NFIX: variants seen among roughly 807,000 people sequenced by gnomAD.
The protein encoded by NFIX is nuclear factor I X.
In NFIX, 2 loss-of-function variants were observed where a neutral mutation model predicts 53.3. The observed-to-expected ratio is 0.04, with a 90% CI of 0.02 to 0.12. The LOEUF is 0.12. Ranked by LOEUF, NFIX falls within the 10% of genes least tolerant of loss-of-function variation. The probability of loss-of-function intolerance (pLI) is 1.00; values close to 1 mark genes in which losing one functional copy is unlikely to be tolerated. For synonymous variants in NFIX, 244 were observed against 289.0 expected, an observed-to-expected ratio of 0.84 and a Z score of 1.58; for missense variants, 310 against 674.5, an observed-to-expected ratio of 0.46 and a Z score of 5.99.
At chr19:13,008,028 G>A (rs1034414094) in intron 1 of NFIX, among the ~76,000 whole-genome samples, 2 of 152,208 alleles carry the variant, frequency 1.3e-5, no homozygotes, top group African/African-American at 4.8e-5. Context: ...CAGCCTTGGA[G>A]CATGGTACAC....
At chr19:13,077,553 G>A (rs1362862172) in intron 6 of NFIX, among the ~76,000 whole-genome samples, 1 of 152,098 alleles carries the variant, frequency 6.6e-6, no homozygotes, top group Non-Finnish European at 1.5e-5. Context: ...TAACACCTCC[G>A]CTGGCGGCTG....
Position 13,072,886 on chromosome 19 carries a change from G to A in NFIX, c.560-161G>A, listed in dbSNP as rs1431150914. Reference sequence around the variant, plus strand: ...TTTCCTTCTCTGCTTTGGGTCTCCCGGAGCCTCCTGGGGCTGGTTTGGGGA... The same window carrying A: ...TTTCCTTCTCTGCTTTGGGTCTCCCAGAGCCTCCTGGGGCTGGTTTGGGGA... On this transcript the variant is annotated intron_variant, in intron 2 of 10. Transcript: ENST00000592199. This position sits in a 1 kb window ranked among gnomAD's most constrained non-coding sequence, Gnocchi z 4.0. 7.2e-5 allele frequency among the ~76,000 whole-genome samples: 11 copies of A among 152,150 alleles called. No individual in the cohort carries two copies. The highest frequency in any genetic ancestry group is 1.5e-4 in the Non-Finnish European group (10 of 68,026).
intron 2 of NFIX, chr19:13,071,260 G>C (rs542192704): frequency 6.6e-6 from 1 of 152,478 alleles, no homozygotes; most frequent in East Asian, 1.9e-4. Context: ...GGGGTGGGCT[G>C]CCTGCTCCGT....
intron 7 of NFIX, among the ~76,000 whole-genome samples, chr19:13,080,152 CAA>C (rs1158603279): frequency 1.3e-5 from 2 of 152,252 alleles, no homozygotes; most frequent in Non-Finnish European, 2.9e-5. Context: ...CAGCAAGTAT[CAA>C]AAACTCAGTC....
In NFIX at chr19:13,028,321, G is replaced by C. The variant is rs1359193637; in HGVS notation, c.559+2769G>C. On this transcript the variant is annotated intron_variant, in intron 2 of 10. Coordinates refer to ENST00000592199, the MANE Select transcript of NFIX (RefSeq NM_001365902.3). The surrounding 1 kb of genome is among the most constrained non-coding windows in gnomAD (Gnocchi z 4.2). ...AGCTGCTTTGGACTCTGAAATAAGTGTTTTTCCTTTTCTTAAGACAGGGCT... is the reference window on the plus strand; with the variant it reads ...AGCTGCTTTGGACTCTGAAATAAGTCTTTTTCCTTTTCTTAAGACAGGGCT... Among the ~76,000 whole-genome samples the C allele has an allele frequency of 2.0e-5, 3 of 152,184 alleles. No homozygotes were observed. The highest frequency in any genetic ancestry group is 2.0e-4 in the Admixed American group (3 of 15,274).
rs556987324 is a variant in NFIX, at chr19:13,014,906, C to G, written c.28-10115C>G. Among the ~76,000 whole-genome samples, 53 of 152,260 alleles carry G rather than the reference C, an allele frequency of 3.5e-4. No individual in the cohort carries two copies. The highest frequency in any genetic ancestry group is 1.2e-3 in the African/African-American group (49 of 41,526). Reference sequence around the variant, plus strand: ...GTGGTAGGCGAGGTGGCTGCGGTGGCCCTTCCGCCAGGTGTGGGGTAGACC... The same window carrying G: ...GTGGTAGGCGAGGTGGCTGCGGTGGGCCTTCCGCCAGGTGTGGGGTAGACC... On this transcript the variant is annotated intron_variant, in intron 1 of 10. Transcript: ENST00000592199. The surrounding 1 kb of genome is among the most constrained non-coding windows in gnomAD (Gnocchi z 4.4).
intron 2 of NFIX, among the ~76,000 whole-genome samples, chr19:13,063,969 C>T (rs1031983749): frequency 7.2e-5 from 11 of 152,128 alleles, no homozygotes; most frequent in Non-Finnish European, 1.2e-4. Flanking sequence ...TCTGGCCAGC[C>T]TGTCCTGTCC....
rs2016554364 is a variant in NFIX, at chr19:13,068,252, A to G, written c.560-4795A>G. ...TCCTCTTGGAAACACGCACAAGCAC[A>G]CGTGCCTGCAAACAGCAGAAGGAAG... On this transcript the variant is annotated intron_variant, in intron 2 of 10. Coordinates refer to ENST00000592199, the MANE Select transcript of NFIX (RefSeq NM_001365902.3). This position sits in a 1 kb window ranked among gnomAD's most constrained non-coding sequence, Gnocchi z 4.2. Among the ~76,000 whole-genome samples, 1 of 152,182 alleles carries G rather than the reference A, an allele frequency of 6.6e-6. No homozygotes were observed. The highest frequency in any genetic ancestry group is 2.1e-4 in the South Asian group (1 of 4,828).
rs911766345 is a variant in NFIX at position 13,036,395 on chromosome 19, G to C, written c.559+10843G>C. Among the ~76,000 whole-genome samples, 2 of 152,212 alleles carry C rather than the reference G, an allele frequency of 1.3e-5. No homozygotes were observed. Among genetic ancestry groups the C allele is most frequent in the Non-Finnish European group, 2.9e-5 (2 of 68,032 alleles). On this transcript the variant is annotated intron_variant, in intron 2 of 10. Transcript: ENST00000592199. This position sits in a 1 kb window ranked among gnomAD's most constrained non-coding sequence, Gnocchi z 4.7. ...GAAGAGCGTCCTCTCCAGGCCAGGG[G>C]TGGGGCTGTGGAAATGAGAAACCGG...
At chr19:13,084,167 C>A (rs1444466458) in intron 8 of NFIX, among the ~76,000 whole-genome samples, 1 of 152,108 alleles carries the variant, frequency 6.6e-6, no homozygotes, top group African/African-American at 2.4e-5. Context: ...TTAGGCTGGG[C>A]GTGGTGGCTC....
At position 13,000,565 on chromosome 19, in the gene NFIX, G is replaced by T. The variant is rs558988149; in HGVS notation, c.27+4701G>T. Reference sequence around the variant, plus strand: ...GAGAGATGGTGGGGGAGAGTGGGGGGCAGGAGGGGAGAGACGAGGCCTCCA... The same window carrying T: ...GAGAGATGGTGGGGGAGAGTGGGGGTCAGGAGGGGAGAGACGAGGCCTCCA... On this transcript the variant is annotated intron_variant, in intron 1 of 10. Transcript: ENST00000592199. Among the ~76,000 whole-genome samples, 93 of 151,460 alleles carry T rather than the reference G, an allele frequency of 6.1e-4. 2 individuals carry two copies. The South Asian group carries it at 0.012, about 20-fold the overall frequency.
In NFIX at chr19:13,072,148, G is replaced by A. The variant is rs150145805; in HGVS notation, c.560-899G>A. Among the ~76,000 whole-genome samples the A allele has an allele frequency of 2.2e-3, 336 of 152,236 alleles. No individual in the cohort carries two copies. The highest frequency in any genetic ancestry group is 3.3e-3 in the Non-Finnish European group (222 of 68,006). ...CCTGGCCCCCCTCCACCACCCTCTC[G>A]CCAGCTGTCATGCCCAGGCAGGCAT... On this transcript the variant is annotated intron_variant, in intron 2 of 10. Transcript: ENST00000592199. This position sits in a 1 kb window ranked among gnomAD's most constrained non-coding sequence, Gnocchi z 4.0.
rs1295930008 is a variant in NFIX, at chr19:13,088,377, C to G, written c.1402+241C>G. ...TCCCAGCCGGGGCCCCTGGCCCAGG[C>G]CCCTCTGGGGGGCGGGAGGGAGAGC... On this transcript the variant is annotated intron_variant, in intron 9 of 10. Coordinates refer to ENST00000592199, the MANE Select transcript of NFIX (RefSeq NM_001365902.3). The surrounding 1 kb of genome is among the most constrained non-coding windows in gnomAD (Gnocchi z 5.9). Among the ~76,000 whole-genome samples, 1 of 152,106 alleles carries G rather than the reference C, an allele frequency of 6.6e-6. No individual in the cohort carries two copies. The highest frequency in any genetic ancestry group is 1.5e-5 in the Non-Finnish European group (1 of 68,008).
intron 1 of NFIX, among the ~76,000 whole-genome samples, chr19:13,008,539 C>T (rs1350771622): frequency 2.0e-5 from 3 of 152,362 alleles, no homozygotes; most frequent in Middle Eastern, 3.4e-3. Context: ...CTTCCCGTCT[C>T]TGTGATTTTC....
At position 13,037,452 on chromosome 19, in the gene NFIX, G is replaced by A. The variant is rs997133141; in HGVS notation, c.559+11900G>A. 4.6e-5 allele frequency among the ~76,000 whole-genome samples: 7 copies of A among 152,300 alleles called. 1 individual carries two copies. The highest frequency in any genetic ancestry group is 3.9e-4 in the Admixed American group (6 of 15,310). On this transcript the variant is annotated intron_variant, in intron 2 of 10. Coordinates refer to ENST00000592199, the MANE Select transcript of NFIX (RefSeq NM_001365902.3). This position sits in a 1 kb window ranked among gnomAD's most constrained non-coding sequence, Gnocchi z 4.2. ...AATGGCGCTGAGAGATGGCGCCTGGGGAAGAAAGAGGAGACAAGGATAGTA... is the reference window on the plus strand; with the variant it reads ...AATGGCGCTGAGAGATGGCGCCTGGAGAAGAAAGAGGAGACAAGGATAGTA...
Position 13,073,091 on chromosome 19 carries a change from A to G in NFIX, c.604A>G (p.Ile202Val), listed in dbSNP as rs772764812. ...TTCAAACCAGCAAGGAGATGCGGAC[A>G]TCAAACCACTGCCCAACGGTCAGTG... ...DSSNQQGDAD[I>V]KPLPNGHLSF... The change falls in exon 3 of 11, where the codon ATC (isoleucine) becomes GTC (valine). Residue 202 changes from isoleucine to valine, a missense_variant. By Grantham distance (29) the Ile-to-Val change is conservative (BLOSUM62 3). This residue lies in a region of NFIX where 164 missense variants were observed against 284.4 expected (regional missense o/e 0.58). Transcript: ENST00000592199. This position sits in a 1 kb window ranked among gnomAD's most constrained non-coding sequence, Gnocchi z 4.5. The G allele has an allele frequency of 4.4e-5, 71 of 1,613,876 alleles. No individual in the cohort carries two copies. The Middle Eastern group carries it at 4.9e-4, about 11-fold the overall frequency.
Position 13,025,146 on chromosome 19 carries a change from C to T in NFIX, c.153C>T (p.Asp51=). The stretch of plus-strand genomic sequence containing the variant: ...AGCATGAAAAGCGGATGTCGAAGGA[C>T]GAGGAGCGGGCGGTGAAGGACGAGC... The part of the protein sequence containing the change: ...FKKHEKRMSK[D]EERAVKDELL... The change falls in exon 2 of 11, where the codon GAC becomes GAT. Residue 51 remains aspartate (D), a synonymous_variant. Transcript: ENST00000592199. This position sits in a 1 kb window ranked among gnomAD's most constrained non-coding sequence, Gnocchi z 7.5. 6.2e-7 allele frequency: 1 copy of T among 1,614,216 alleles called. No individual in the cohort carries two copies.
intron 6 of NFIX, among the ~76,000 whole-genome samples, chr19:13,075,947 G>A (rs1464802300): frequency 6.6e-6 from 1 of 152,174 alleles, no homozygotes; most frequent in Non-Finnish European, 1.5e-5. Context: ...GCCCCACAGT[G>A]GGATGGCCGC....
Position 13,090,376 on chromosome 19 carries a change from C to T in NFIX, c.1480C>T (p.Pro494Ser), listed in dbSNP as rs1397309143. The T allele has an allele frequency of 6.2e-7, 1 of 1,613,890 alleles. No individual in the cohort carries two copies. Among genetic ancestry groups the T allele is most frequent in the East Asian group, 2.2e-5 (1 of 44,882 alleles). Reference protein sequence around the residue: ...GPRDGNFLNIPQQSQSWFL With the variant: ...GPRDGNFLNISQQSQSWFL ...CCGGGACGGCAACTTTCTGAACATCCCACAGCAGTCTCAGGTAGGAGACCC... is the reference window on the plus strand; with the variant it reads ...CCGGGACGGCAACTTTCTGAACATCTCACAGCAGTCTCAGGTAGGAGACCC... The change falls in exon 10 of 11, where the codon CCA becomes TCA. Residue 494 changes from proline (P) to serine (S), a missense_variant. Coordinates refer to ENST00000592199, the MANE Select transcript of NFIX (RefSeq NM_001365902.3). This position sits in a 1 kb window ranked among gnomAD's most constrained non-coding sequence, Gnocchi z 6.6.
Sources: allele counts gnomAD v4.1 joint callset (sites outside exome capture counted in the v4.1 genomes callset), GRCh38; gene constraint gnomAD v4.1.1; regional missense constraint gnomAD v4.1.1; non-coding constraint Gnocchi (gnomAD v3.1); transcripts MANE v1.5; gene names NCBI Gene and HGNC (gene_info 2026-07-23, HGNC 2026-07-21).